The following STK32A variants were observed in gnomAD, a reference collection of about 807,000 sequenced individuals.
STK32A encodes serine/threonine kinase 32A.
A neutral mutation model predicts 53.2 loss-of-function variants in STK32A; 41 were observed. That is an observed-to-expected ratio of 0.77 (90% confidence interval 0.60 to 1.00). The LOEUF (loss-of-function observed/expected upper bound fraction) is 1.00, where lower values mean the gene tolerates loss of function less well. Among genes scored for constraint, STK32A ranks in the 50% least tolerant of loss-of-function variants. The pLI, the probability that STK32A is intolerant of heterozygous loss-of-function variation, is 0.00. For missense variants in STK32A, 458 were observed against 485.8 expected (o/e 0.94, Z 0.54); for synonymous variants, 166 against 162.8 (o/e 1.02, Z -0.15).
At chr5:147,302,215 A>C (rs1424530845) in intron 4 of STK32A, among the ~76,000 whole-genome samples, 1 of 152,108 alleles carries the variant, frequency 6.6e-6, no homozygotes, top group Admixed American at 6.6e-5. Flanking sequence ...TTCACTTTTT[A>C]CTATCTATGC....
chr5:147,249,466 C>T (rs943178970), intron 2 of STK32A, among the ~76,000 whole-genome samples: 8 of 152,134 alleles, frequency 5.3e-5, no homozygotes, highest in Non-Finnish European at 1.0e-4. Flanking sequence ...AAAAGTCACC[C>T]GATATTGATC....
At chr5:147,333,002 A>G (rs1029271163) in intron 5 of STK32A, among the ~76,000 whole-genome samples, 6 of 152,216 alleles carry the variant, frequency 3.9e-5, no homozygotes, top group East Asian at 3.8e-4. Context: ...AATAATTTCT[A>G]TAAGGTTAAT....
rs1006943145 is a variant in STK32A, at chr5:147,378,967, G to A, written c.1032+3749G>A. On this transcript the variant is annotated intron_variant, in intron 11 of 12. Transcript: ENST00000397936. ...TTTTTTTTCTAATTCTGTGAAGAAT[G>A]CCAACAGTCATTTAATGGGAATAGC... 4.1e-5 allele frequency among the ~76,000 whole-genome samples: 6 copies of A among 144,696 alleles called. No homozygotes were observed. In the Admixed American group the frequency reaches 4.2e-4, roughly 10 times the overall value. 94.9% of individuals were successfully genotyped at this position (144,696 alleles called of 152,430 possible).
intron 7 of STK32A, 118 bp from the exon 8 acceptor site, chr5:147,361,399 A>T (rs1422548515): frequency 2.7e-6 from 2 of 732,486 alleles, no homozygotes; most frequent in African/African-American, 3.6e-5. Flanking sequence ...GATGATAAAC[A>T]TCCATAAAAG....
At chr5:147,396,177 A>T in the STK32A span, among the ~76,000 whole-genome samples, 2 of 152,084 alleles carry the variant, frequency 1.3e-5, no homozygotes, top group African/African-American at 4.8e-5. Context: ...CCAGGATGGG[A>T]TCACATGGGA....
intron 2 of STK32A, among the ~76,000 whole-genome samples, chr5:147,264,013 G>C (rs998675903): frequency 6.6e-6 from 1 of 152,098 alleles, no homozygotes; most frequent in African/African-American, 2.4e-5. Flanking sequence ...TGTGTGGAAA[G>C]GTAGAAGATA....
chr5:147,249,251 T>C (rs1753878379), intron 2 of STK32A, among the ~76,000 whole-genome samples: 1 of 152,154 alleles, frequency 6.6e-6, no homozygotes, highest in South Asian at 2.1e-4. Context: ...GTGACTTACC[T>C]CTCTGATCCC....
At chr5:147,380,964 C>T (rs1411685951) in intron 11 of STK32A, among the ~76,000 whole-genome samples, 1 of 152,134 alleles carries the variant, frequency 6.6e-6, no homozygotes, top group African/African-American at 2.4e-5. Flanking sequence ...ATAATCTTGG[C>T]TTTCGTGATT....
intron 2 of STK32A, among the ~76,000 whole-genome samples, chr5:147,274,707 A>T (rs892201307): frequency 6.6e-6 from 1 of 152,226 alleles, no homozygotes; most frequent in Non-Finnish European, 1.5e-5. Context: ...GCAATATTCT[A>T]TGCACATGAC....
At chr5:147,322,364 C>G (rs988800919) in intron 4 of STK32A, among the ~76,000 whole-genome samples, 1 of 152,156 alleles carries the variant, frequency 6.6e-6, no homozygotes, top group Non-Finnish European at 1.5e-5. Context: ...ATTGAACTAT[C>G]AGGTGCTATT....
chr5:147,397,742 G>A, the STK32A span: 1 of 1,614,164 alleles, frequency 6.2e-7, no homozygotes, highest in Non-Finnish European at 8.5e-7. Flanking sequence ...AGCCCCCTGG[G>A]TCACGTGCAG....
At chr5:147,338,205 G>T (rs755656087) in intron 5 of STK32A, among the ~76,000 whole-genome samples, 6 of 152,100 alleles carry the variant, frequency 3.9e-5, no homozygotes, top group African/African-American at 7.2e-5. Flanking sequence ...AGTCATGGGG[G>T]TGGGTTTTTC....
At chr5:147,301,731 T>C (rs759922189) in intron 4 of STK32A, among the ~76,000 whole-genome samples, 1 of 152,200 alleles carries the variant, frequency 6.6e-6, no homozygotes, top group Non-Finnish European at 1.5e-5. Context: ...TGAGACATCA[T>C]AGATTTAGTA....
At chr5:147,347,124 A>G (rs1224079263) in intron 6 of STK32A, among the ~76,000 whole-genome samples, 1 of 152,212 alleles carries the variant, frequency 6.6e-6, no homozygotes, top group Non-Finnish European at 1.5e-5. Context: ...TGCGAGTAGC[A>G]GAGACTTAAA....
chr5:147,311,753 A>C (rs1356921821), intron 4 of STK32A, among the ~76,000 whole-genome samples: 1 of 152,120 alleles, frequency 6.6e-6, no homozygotes, highest in Non-Finnish European at 1.5e-5. Context: ...GAAGCCAACA[A>C]ACAAAAAACA....
chr5:147,382,642 G>A (rs1309515399), intron 11 of STK32A, among the ~76,000 whole-genome samples: 2 of 152,030 alleles, frequency 1.3e-5, no homozygotes, highest in Non-Finnish European at 2.9e-5. Flanking sequence ...CTGTCTCCAT[G>A]CCAAGGATCA....
chr5:147,368,981 A>AT (rs1756891000), intron 8 of STK32A, among the ~76,000 whole-genome samples: 3 of 152,220 alleles, frequency 2.0e-5, no homozygotes, highest in Non-Finnish European at 2.9e-5. Flanking sequence ...AAGCTTGAGT[A>AT]TACTAAGCCT....
Position 147,343,053 on chromosome 5 carries a change from T to A in STK32A, c.472+10T>A. On this transcript the variant is annotated intron_variant, in intron 6 of 12. Transcript: ENST00000397936. ...TTACTTGACGAACATGGTAAGTGAG[T>A]GATTTGTTTGCAATCAAGTACATGA... The A allele has an allele frequency of 1.2e-6, 2 of 1,613,180 alleles. No homozygotes were observed. The highest frequency in any genetic ancestry group is 8.5e-7 in the Non-Finnish European group (1 of 1,179,560).
chr5:147,270,688 CAT>C (rs1170331436), intron 2 of STK32A, among the ~76,000 whole-genome samples: 1 of 152,114 alleles, frequency 6.6e-6, no homozygotes, highest in African/African-American at 2.4e-5. Context: ...AAAAAATACA[CAT>C]ATAAATATAT....
Sources: allele counts gnomAD v4.1 joint callset (sites outside exome capture counted in the v4.1 genomes callset), GRCh38; gene constraint gnomAD v4.1.1; transcripts MANE v1.5; gene names NCBI Gene and HGNC (gene_info 2026-07-23, HGNC 2026-07-21).